The following FAM76B variants were observed in gnomAD, a reference collection of about 807,000 sequenced individuals.
FAM76B encodes the protein protein FAM76B.
FAM76B carries 16 observed loss-of-function variants against 51.8 expected under a neutral mutation model. That is an observed-to-expected ratio of 0.31 (90% confidence interval 0.21 to 0.47). The LOEUF (loss-of-function observed/expected upper bound fraction) is 0.47. FAM76B is among the 20% of genes least tolerant of loss of function. The pLI, the probability that FAM76B is intolerant of heterozygous loss-of-function variation, is 1.00. For missense variants in FAM76B, 342 were observed against 392.6 expected, an observed-to-expected ratio of 0.87 and a Z score of 1.09; for synonymous variants, 166 against 129.5, an observed-to-expected ratio of 1.28 and a Z score of -1.91.
At position 95,771,403 on chromosome 11, in the gene FAM76B, T is replaced by C; in HGVS notation, c.*158A>G. 1 of 520,220 alleles carries C rather than the reference T, an allele frequency of 1.9e-6. No homozygotes were observed. The highest frequency in any genetic ancestry group is 3.5e-6 in the Non-Finnish European group (1 of 289,736). The allele number at this position is 520,220 out of a possible 1,614,324, so 32.2% of individuals were successfully genotyped here. A position where few individuals can be genotyped will look rare whatever the true frequency, so the allele number is the denominator to read the frequency against. On this transcript the variant is annotated 3_prime_UTR_variant, in exon 10 of 10. Transcript: ENST00000358780. ...AGTTTTATTTGAATGTTTTACAACT[T>C]AAAAAATGCTGTATATCAATTACAA...
intron 1 of FAM76B, chr11:95,789,072 C>T (rs1366717637): frequency 7.1e-7 from 1 of 1,403,138 alleles, no homozygotes; most frequent in Non-Finnish European, 9.4e-7. Context: ...GAGATGAAAA[C>T]ATCTCCACCC....
At chr11:95,785,169 A>T in intron 4 of FAM76B, among the ~76,000 whole-genome samples, 1 of 152,144 alleles carries the variant, frequency 6.6e-6, no homozygotes, top group East Asian at 1.9e-4. Flanking sequence ...CTATTTTGTT[A>T]TTATTTTTAT....
chr11:95,787,139 T>C (rs1183060705), intron 3 of FAM76B, among the ~76,000 whole-genome samples: 1 of 152,236 alleles, frequency 6.6e-6, no homozygotes, highest in Non-Finnish European at 1.5e-5. Flanking sequence ...AGGTATATAA[T>C]TTGACTGTTT....
intron 1 of FAM76B, 88 bp downstream of exon 1, chr11:95,789,304 G>T: frequency 3.6e-6 from 5 of 1,403,802 alleles, no homozygotes; most frequent in Non-Finnish European, 4.9e-6. Flanking sequence ...AGGCGCCGGC[G>T]AAGAGGGGCT....
At chr11:95,772,071 TGGC>T (rs1421177860) in intron 9 of FAM76B, among the ~76,000 whole-genome samples, 1 of 151,188 alleles carries the variant, frequency 6.6e-6, no homozygotes, top group Non-Finnish European at 1.5e-5. Flanking sequence ...GAGTATTTCC[TGGC>T]AAGCTGTATA....
intron 9 of FAM76B, 74 bp from the exon 10 acceptor site, chr11:95,771,724 T>C (rs1859775695): frequency 1.8e-6 from 2 of 1,112,740 alleles, no homozygotes; most frequent in Non-Finnish European, 1.3e-6. Flanking sequence ...ATACTACTTA[T>C]TTAATACTGT....
chr11:95,770,554 C>T lies in FAM76B; in HGVS notation c.*1007G>A, dbSNP rs1052033832. On this transcript the variant is annotated 3_prime_UTR_variant, in exon 10 of 10. Coordinates refer to ENST00000358780, the MANE Select transcript of FAM76B (RefSeq NM_144664.5). ...CTCACACAATACTAATATGAAGCCA[C>T]ATGACATAAAAAATAAAATTACTCT... The T allele has an allele frequency of 1.3e-5, 2 of 151,548 alleles. No homozygotes were observed. Among genetic ancestry groups the T allele is most frequent in the African/African-American group, 4.8e-5 (2 of 41,290 alleles). The allele number at this position is 151,548 out of a possible 1,614,324, so 9.4% of individuals were successfully genotyped here.
chr11:95,785,735 C>T (rs1359675011), intron 4 of FAM76B, among the ~76,000 whole-genome samples: 2 of 152,140 alleles, frequency 1.3e-5, no homozygotes, highest in Non-Finnish European at 1.5e-5. Context: ...AAATATGAGC[C>T]TTTATCAAAA....
In FAM76B at chr11:95,783,096, G is replaced by A; in HGVS notation, c.532C>T (p.His178Tyr). 1.2e-6 allele frequency: 2 copies of A among 1,613,440 alleles called. No homozygotes were observed. The highest frequency in any genetic ancestry group is 3.3e-4 in the Middle Eastern group (2 of 6,046). The change falls in exon 5 of 10, where the codon CAT becomes TAT. Residue 178 changes from histidine to tyrosine, a missense_variant. Around this residue, in one of 3 missense-constraint regions of FAM76B, gnomAD observed 230 missense variants for 257.4 expected, o/e 0.89. Transcript: ENST00000358780. ...TGGCTACTGCTGTGACGATGGTGATGGTGATGATGGTGGTGATGATGTTTT... is the reference window on the plus strand; with the variant it reads ...TGGCTACTGCTGTGACGATGGTGATAGTGATGATGGTGGTGATGATGTTTT... ...HPKHHHHHHH[H>Y]HHRHSSSHHK...
rs756492709 is a variant in FAM76B, at chr11:95,770,579, T to C, written c.*982A>G. The C allele has an allele frequency of 4.6e-5, 7 of 151,772 alleles. No homozygotes were observed. The highest frequency in any genetic ancestry group is 4.8e-5 in the African/African-American group (2 of 41,354). 9.4% of individuals were successfully genotyped at this position (151,772 alleles called of 1,614,324 possible). On this transcript the variant is annotated 3_prime_UTR_variant, in exon 10 of 10. Transcript: ENST00000358780. ...CATGACATAAAAAATAAAATTACTCTTTAAGAAGCAACTTAAAATTAAATC... is the reference window on the plus strand; with the variant it reads ...CATGACATAAAAAATAAAATTACTCCTTAAGAAGCAACTTAAAATTAAATC...
At chr11:95,789,347 A>G in intron 1 of FAM76B, 45 bp downstream of exon 1, 2 of 1,546,456 alleles carry the variant, frequency 1.3e-6, no homozygotes, top group Non-Finnish European at 1.8e-6. Context: ...CCCTCCGGCT[A>G]CGGCCGAGGA....
At chr11:95,784,963 CCAA>C (rs1379768558) in intron 4 of FAM76B, among the ~76,000 whole-genome samples, 1 of 152,128 alleles carries the variant, frequency 6.6e-6, no homozygotes, top group East Asian at 1.9e-4. Flanking sequence ...GATCAACTGA[CCAA>C]CATGTTATTA....
chr11:95,784,577 C>T (rs934935791), intron 4 of FAM76B, among the ~76,000 whole-genome samples: 3 of 150,920 alleles, frequency 2.0e-5, no homozygotes, highest in Non-Finnish European at 4.4e-5. Flanking sequence ...TATATACACA[C>T]ACACACACAC....
At chr11:95,789,248 G>C in intron 1 of FAM76B, 144 bp downstream of exon 1, 1 of 998,004 alleles carries the variant, frequency 1.0e-6, no homozygotes, top group Non-Finnish European at 1.5e-6. Flanking sequence ...CCAGAAAAAG[G>C]GGTCCCCGAG....
In FAM76B at chr11:95,789,375, T is replaced by A. The variant is rs377432049; in HGVS notation, c.87+17A>T. The A allele has an allele frequency of 1.1e-3, 1,740 of 1,580,572 alleles. 4 individuals carry two copies. Among genetic ancestry groups the A allele is most frequent in the South Asian group, 2.8e-3 (241 of 86,646 alleles). ...GCCGAGGACACCCATCCCGCCCGCC[T>A]CCCGGAGCCCACGGACCTTGCAGAG... On this transcript the variant is annotated intron_variant, in intron 1 of 9. Coordinates refer to ENST00000358780, the MANE Select transcript of FAM76B (RefSeq NM_144664.5).
rs756528453 is a variant in FAM76B, at chr11:95,783,087, G to A, written c.541C>T (p.Arg181Cys). The A allele has an allele frequency of 5.0e-6, 8 of 1,613,696 alleles. No homozygotes were observed. In the Admixed American group the frequency reaches 5.0e-5, roughly 10 times the overall value. ...HHHHHHHHHH[R>C]HSSSHHKISN... ...TACTTGTGATGGCTACTGCTGTGAC[G>A]ATGGTGATGGTGATGATGGTGGTGA... The change falls in exon 5 of 10, where the codon CGT becomes TGT. Residue 181 changes from arginine to cysteine, a missense_variant. By Grantham distance (180) the Arg-to-Cys change is radical (BLOSUM62 -3). Transcript: ENST00000358780.
In FAM76B at chr11:95,779,608, T is replaced by C; in HGVS notation, c.691A>G (p.Ser231Gly). 2 of 1,603,660 alleles carry C rather than the reference T, an allele frequency of 1.2e-6. No individual in the cohort carries two copies. The highest frequency in any genetic ancestry group is 1.3e-5 in the African/African-American group (1 of 74,436). ...AACACTAAAAGAATTCATTTTTACCTATCTCCATTAGATGGCTTAGATTCC... is the reference window on the plus strand; with the variant it reads ...AACACTAAAAGAATTCATTTTTACCCATCTCCATTAGATGGCTTAGATTCC... ...KLESKPSNGD[S>G]SSINQSADSG... The change falls in exon 7 of 10, where the codon AGT becomes GGT. Residue 231 changes from serine (S) to glycine (G), a missense_variant and splice_region_variant. Ser to Gly is a moderately conservative substitution (Grantham distance 56, BLOSUM62 0). Coordinates refer to ENST00000358780, the MANE Select transcript of FAM76B (RefSeq NM_144664.5).
chr11:95,789,216 T>G, intron 1 of FAM76B, 176 bp downstream of exon 1: 1 of 954,134 alleles, frequency 1.0e-6, no homozygotes, highest in Non-Finnish European at 1.5e-6. Flanking sequence ...TCAGGGTCCG[T>G]TCCCAGCTAA....
chr11:95,783,291 T>C (rs1301562972), intron 4 of FAM76B, 27 bp from the exon 5 acceptor site: 3 of 1,603,666 alleles, frequency 1.9e-6, no homozygotes, highest in African/African-American at 1.3e-5. Context: ...TTAAATTAAA[T>C]GTACCCATAT....
Sources: gnomAD v4.1 joint callset for allele counts (sites outside exome capture counted in the v4.1 genomes callset) on GRCh38, gnomAD v4.1.1 for gene constraint, gnomAD v4.1.1 regional missense constraint, MANE v1.5 for transcripts, NCBI Gene and HGNC (gene_info 2026-07-23, HGNC 2026-07-21) for gene names.